Variants in STAG1 observed in about 807,000 individuals in gnomAD.
STAG1 encodes the protein STAG1 cohesin complex component.
In STAG1, 26 loss-of-function variants were observed where a neutral mutation model predicts 170.9. The observed-to-expected ratio is 0.15, with a 90% CI of 0.11 to 0.21. The LOEUF (loss-of-function observed/expected upper bound fraction) is 0.21, where lower values mean the gene tolerates loss of function less well. Among genes scored for constraint, STAG1 ranks in the 10% least tolerant of loss-of-function variants. The pLI, the probability that STAG1 is intolerant of heterozygous loss-of-function variation, is 1.00. For missense variants in STAG1, 964 were observed against 1,509.5 expected, an observed-to-expected ratio of 0.64 and a Z score of 5.99; for synonymous variants, 514 against 497.7, an observed-to-expected ratio of 1.03 and a Z score of -0.44.
At chr3:136,654,023 C>G (rs1303903288) in intron 1 of STAG1, among the ~76,000 whole-genome samples, 3 of 152,128 alleles carry the variant, frequency 2.0e-5, no homozygotes, top group Non-Finnish European at 4.4e-5. Context: ...AAACACACAG[C>G]AAACATCAAA....
At chr3:136,404,863 ATGTG>A (rs34596713) in intron 21 of STAG1, among the ~76,000 whole-genome samples, 52,402 of 148,890 alleles carry the variant, frequency 0.35, 10,662 homozygotes, top group East Asian at 0.69. Flanking sequence ...TTATGCATAT[ATGTG>A]TGTGTGTGTG....
chr3:136,407,477 C>G (rs1560093496), intron 21 of STAG1, among the ~76,000 whole-genome samples: 2 of 151,882 alleles, frequency 1.3e-5, no homozygotes, highest in Non-Finnish European at 2.9e-5. Context: ...TAATTATTTT[C>G]TTGAGACAGA....
At chr3:136,524,590 T>A (rs970423397) in intron 6 of STAG1, among the ~76,000 whole-genome samples, 1 of 152,180 alleles carries the variant, frequency 6.6e-6, no homozygotes, top group Non-Finnish European at 1.5e-5. Context: ...CCTTTATTTC[T>A]TTCTCCTGCC....
intron 22 of STAG1, among the ~76,000 whole-genome samples, chr3:136,391,425 G>A (rs925987724): frequency 2.1e-5 from 3 of 145,112 alleles, no homozygotes; most frequent in Non-Finnish European, 4.5e-5. Context: ...TCGCCAAGCT[G>A]GAGTGCAGTG....
intron 1 of STAG1, among the ~76,000 whole-genome samples, chr3:136,649,819 G>C (rs910253694): frequency 6.6e-6 from 1 of 151,636 alleles, no homozygotes; most frequent in South Asian, 2.1e-4. Flanking sequence ...CCAGGCTGGA[G>C]TGCAGTGGCA....
At chr3:136,462,406 T>C (rs991044554) in intron 13 of STAG1, among the ~76,000 whole-genome samples, 3 of 152,108 alleles carry the variant, frequency 2.0e-5, no homozygotes, top group Non-Finnish European at 2.9e-5. Context: ...TGGAACTAGA[T>C]GACATTATGT....
intron 13 of STAG1, among the ~76,000 whole-genome samples, chr3:136,458,345 C>A (rs2089177980): frequency 1.3e-5 from 2 of 152,270 alleles, no homozygotes; most frequent in African/African-American, 4.8e-5. Flanking sequence ...TTAGCAGAGA[C>A]AGGCTTTCAT....
At chr3:136,603,046 G>A (rs1185604966) in intron 4 of STAG1, among the ~76,000 whole-genome samples, 2 of 151,898 alleles carry the variant, frequency 1.3e-5, no homozygotes, top group Non-Finnish European at 2.9e-5. Flanking sequence ...AACACAACAC[G>A]TCAATCTGGT....
Position 136,338,251 on chromosome 3 carries a change from A to G in STAG1, c.*3T>C. 1 of 1,601,536 alleles carries G rather than the reference A, an allele frequency of 6.2e-7. No homozygotes were observed. The highest frequency in any genetic ancestry group is 8.5e-7 in the Non-Finnish European group (1 of 1,170,308). ...TTCCAGATTTGTAAATTTTCTTCAG[A>G]CTTCAGAACATAGGCATTCCAAATC... On this transcript the variant is annotated 3_prime_UTR_variant, in exon 34 of 34. Transcript: ENST00000383202.
intron 4 of STAG1, among the ~76,000 whole-genome samples, chr3:136,603,965 C>A (rs1938813041): frequency 1.3e-5 from 2 of 152,020 alleles, no homozygotes; most frequent in South Asian, 2.1e-4. Flanking sequence ...CTTAAGAATT[C>A]TTTTTTTATA....
chr3:136,471,443 C>G (rs775826937), intron 12 of STAG1, among the ~76,000 whole-genome samples: 26 of 151,130 alleles, frequency 1.7e-4, no homozygotes, highest in Non-Finnish European at 1.8e-4. Context: ...AAAAAAAAGA[C>G]AAAGAGGAGA....
chr3:136,484,600 C>T (rs1360169960), intron 9 of STAG1, among the ~76,000 whole-genome samples: 8 of 148,754 alleles, frequency 5.4e-5, no homozygotes, highest in African/African-American at 2.0e-4. Context: ...CTGTGGTGGG[C>T]TCCACCCAGT....
chr3:136,342,402 TC>T (rs1445246368), intron 30 of STAG1, among the ~76,000 whole-genome samples: 1 of 152,016 alleles, frequency 6.6e-6, no homozygotes, highest in Non-Finnish European at 1.5e-5. Context: ...CACTACAACC[TC>T]TGCCTCCCAG....
chr3:136,421,386 T>C (rs1363493459), intron 19 of STAG1, among the ~76,000 whole-genome samples: 1 of 152,172 alleles, frequency 6.6e-6, no homozygotes, highest in Non-Finnish European at 1.5e-5. Context: ...CTTTGAAAAG[T>C]TTTCTGATAC....
chr3:136,654,103 C>A (rs1941299223), intron 1 of STAG1, among the ~76,000 whole-genome samples: 1 of 152,146 alleles, frequency 6.6e-6, no homozygotes, highest in South Asian at 2.1e-4. Context: ...GCTTTTACTA[C>A]TTCTATTTAA....
intron 9 of STAG1, among the ~76,000 whole-genome samples, chr3:136,495,151 C>G (rs1346250167): frequency 6.6e-6 from 1 of 152,098 alleles, no homozygotes; most frequent in East Asian, 1.9e-4. Context: ...TGTTTATGGT[C>G]AATTCATCTT....
intron 7 of STAG1, among the ~76,000 whole-genome samples, chr3:136,520,446 AC>A: frequency 6.6e-6 from 1 of 152,176 alleles, no homozygotes; most frequent in East Asian, 1.9e-4. Context: ...GAGTATTTAA[AC>A]ATACACTTAT....
intron 1 of STAG1, among the ~76,000 whole-genome samples, chr3:136,677,197 A>G (rs913781315): frequency 5.9e-5 from 9 of 152,330 alleles, no homozygotes; most frequent in African/African-American, 2.2e-4. Flanking sequence ...ATTATGTACT[A>G]TATGTAATTG....
At chr3:136,338,563 C>A in intron 32 of STAG1, 113 bp from the exon 33 acceptor site, 1 of 715,496 alleles carries the variant, frequency 1.4e-6, no homozygotes, top group South Asian at 1.8e-5. Context: ...TGCTAAGAGT[C>A]AATTTTGAAA....
Sources: gnomAD v4.1 joint callset for allele counts (sites outside exome capture counted in the v4.1 genomes callset) on GRCh38, gnomAD v4.1.1 for gene constraint, MANE v1.5 for transcripts, NCBI Gene and HGNC (gene_info 2026-07-23, HGNC 2026-07-21) for gene names.